Variants in MIS18A observed in about 807,000 individuals in gnomAD.
MIS18A encodes the protein MIS18 kinetochore protein A.
MIS18A carries 14 observed loss-of-function variants against 25.0 expected under a neutral mutation model. The ratio of observed to expected loss-of-function variants is 0.56; its 90% confidence interval spans 0.37 to 0.88. The LOEUF is 0.88. Among genes scored for constraint, MIS18A ranks in the 40% least tolerant of loss-of-function variants. The pLI, the probability that MIS18A is intolerant of heterozygous loss-of-function variation, is 0.00. For missense variants in MIS18A, 292 were observed against 290.8 expected (o/e 1.00, Z -0.03); for synonymous variants, 134 against 118.6 (o/e 1.13, Z -0.84).
chr21:32,174,753 C>T, the MIS18A span, among the ~76,000 whole-genome samples: 1 of 133,680 alleles, frequency 7.5e-6, no homozygotes, highest in East Asian at 2.2e-4. Flanking sequence ...AAAACTTGAA[C>T]ATGATTAGCC....
the MIS18A span, among the ~76,000 whole-genome samples, chr21:32,166,532 G>T: frequency 1.3e-5 from 2 of 152,124 alleles, no homozygotes; most frequent in East Asian, 3.9e-4. Context: ...GGACATGACA[G>T]CCAAACTGAA....
At chr21:32,156,387 T>C in the MIS18A span, 1 of 152,144 alleles carries the variant, frequency 6.6e-6, no homozygotes. Context: ...ACCTCAGTTG[T>C]TGTTATTGAA....
At chr21:32,157,315 T>C in the MIS18A span, among the ~76,000 whole-genome samples, 141,428 of 143,078 alleles carry the variant, frequency 0.99, 69,920 homozygotes, top group East Asian at 1. Flanking sequence ...GTGATCCACC[T>C]TCCTCAGCTT....
the MIS18A span, among the ~76,000 whole-genome samples, chr21:32,246,368 C>T: frequency 6.6e-6 from 1 of 152,028 alleles, no homozygotes; most frequent in Non-Finnish European, 1.5e-5. Context: ...CCCTTCGGTA[C>T]GCCCCTTCTT....
the MIS18A span, among the ~76,000 whole-genome samples, chr21:32,258,351 C>A: frequency 4.6e-5 from 7 of 151,874 alleles, no homozygotes; most frequent in Non-Finnish European, 1.0e-4. Flanking sequence ...GCATCGGGGA[C>A]GGGGGGCCTT....
At chr21:32,240,756 A>T in the MIS18A span, among the ~76,000 whole-genome samples, 1 of 126,354 alleles carries the variant, frequency 7.9e-6, no homozygotes, top group Non-Finnish European at 1.6e-5. Context: ...ACAGACACTG[A>T]CGCCCAAAAG....
chr21:32,188,936 CCAAT>C, the MIS18A span, among the ~76,000 whole-genome samples: 16 of 152,256 alleles, frequency 1.1e-4, 1 homozygote, highest in East Asian at 2.5e-3. Context: ...ATATCAGTTC[CCAAT>C]CAAACGATTT....
rs1263532157 is a variant in MIS18A, at chr21:32,274,888, A to G, written c.343T>C (p.Cys115Arg). Residue 115 changes from cysteine to arginine, a missense_variant, in exon 2 of 5, where the codon TGT becomes CGT. Transcript: ENST00000290130. ...TNCILLRCVS[C>R]NVSVDKEQKL... is the part of the protein sequence containing the mutation. ...TGTTCCTTATCCACAGAAACATTAC[A>G]GGAAACACCTAGAAACAGAGAAAGT... 4.3e-6 allele frequency: 7 copies of G among 1,611,670 alleles called. No individual in the cohort carries two copies. The South Asian group carries it at 6.6e-5, about 15-fold the overall frequency.
the MIS18A span, among the ~76,000 whole-genome samples, chr21:32,220,034 C>T: frequency 2.0e-5 from 3 of 152,194 alleles, no homozygotes; most frequent in South Asian, 2.1e-4. Flanking sequence ...GGGGAAGGGG[C>T]GGCTGTGGGT....
chr21:32,183,557 C>A, the MIS18A span, among the ~76,000 whole-genome samples: 3 of 152,224 alleles, frequency 2.0e-5, no homozygotes, highest in Non-Finnish European at 4.4e-5. Context: ...TTCCAAACAA[C>A]CCCCTCCTTG....
downstream of MIS18A, chr21:32,268,109 T>G (rs1458092991): frequency 6.6e-6 from 1 of 152,322 alleles, no homozygotes; most frequent in Non-Finnish European, 1.5e-5. Context: ...GGGGTTACCT[T>G]TATATTCCTG....
the MIS18A span, among the ~76,000 whole-genome samples, chr21:32,249,052 T>C: frequency 6.6e-6 from 1 of 152,156 alleles, no homozygotes; most frequent in Non-Finnish European, 1.5e-5. Flanking sequence ...AAAATAAACC[T>C]AAGAGCACTT....
chr21:32,253,243 G>A, the MIS18A span, among the ~76,000 whole-genome samples: 1 of 152,184 alleles, frequency 6.6e-6, no homozygotes, highest in Non-Finnish European at 1.5e-5. Flanking sequence ...GCCGCTTTGC[G>A]TGTGGTCAGA....
the MIS18A span, among the ~76,000 whole-genome samples, chr21:32,228,598 C>A: frequency 6.6e-6 from 1 of 152,014 alleles, no homozygotes; most frequent in Non-Finnish European, 1.5e-5. Context: ...TATAGAAAAT[C>A]CTAAGGAATA....
the MIS18A span, among the ~76,000 whole-genome samples, chr21:32,189,266 T>C: frequency 1.3e-5 from 2 of 152,174 alleles, no homozygotes; most frequent in African/African-American, 4.8e-5. Context: ...CTTCACTTTA[T>C]TTTATTTTTT....
At chr21:32,214,748 A>G in the MIS18A span, among the ~76,000 whole-genome samples, 26,193 of 152,214 alleles carry the variant, frequency 0.17, 3,325 homozygotes, top group African/African-American at 0.35. Flanking sequence ...CTACAGCACA[A>G]GGAGCTCTGG....
chr21:32,246,356 C>A, the MIS18A span, among the ~76,000 whole-genome samples: 1 of 152,120 alleles, frequency 6.6e-6, no homozygotes, highest in South Asian at 2.1e-4. Context: ...GGACTGCACA[C>A]GCCCTTCGGT....
At chr21:32,213,733 T>A in the MIS18A span, among the ~76,000 whole-genome samples, 34 of 152,224 alleles carry the variant, frequency 2.2e-4, no homozygotes, top group African/African-American at 8.0e-4. Flanking sequence ...ATCAGTCTCA[T>A]GAGGTTAATG....
At chr21:32,217,362 C>T in the MIS18A span, among the ~76,000 whole-genome samples, 4 of 152,040 alleles carry the variant, frequency 2.6e-5, no homozygotes, top group Non-Finnish European at 5.9e-5. Flanking sequence ...AAAAAATTCA[C>T]TCAACAGCAG....
Sources: allele counts gnomAD v4.1 joint callset (sites outside exome capture counted in the v4.1 genomes callset), GRCh38; gene constraint gnomAD v4.1.1; transcripts MANE v1.5; gene names NCBI Gene and HGNC (gene_info 2026-07-23, HGNC 2026-07-21).